BNIP2: variants seen among roughly 807,000 people sequenced by gnomAD.
BNIP2 encodes the protein BCL2/adenovirus E1B 19 kDa protein-interacting protein 2.
In BNIP2, 36 loss-of-function variants were observed where a neutral mutation model predicts 43.4. The observed-to-expected ratio is 0.83, with a 90% CI of 0.64 to 1.10. The LOEUF is 1.10. BNIP2 is among the 50% of genes least tolerant of loss of function. The pLI, the probability that BNIP2 is intolerant of heterozygous loss-of-function variation, is 0.00. For synonymous variants in BNIP2, 146 were observed against 121.0 expected (o/e 1.21, Z -1.35); for missense variants, 417 against 374.1 (o/e 1.11, Z -0.95).
chr15:59,672,553 T>A, intron 6 of BNIP2, 84 bp downstream of exon 6: 1 of 1,033,570 alleles, frequency 9.7e-7, no homozygotes, highest in Non-Finnish European at 1.4e-6. Flanking sequence ...ATATTTATAA[T>A]TTTTGAAAAG....
chr15:59,681,169 G>A (rs1451215508), intron 2 of BNIP2, among the ~76,000 whole-genome samples: 3 of 152,114 alleles, frequency 2.0e-5, no homozygotes, highest in Non-Finnish European at 4.4e-5. Context: ...ACCACCATAT[G>A]CAACAGTGAC....
chr15:59,681,249 T>C (rs1893648654), intron 2 of BNIP2, among the ~76,000 whole-genome samples: 1 of 152,222 alleles, frequency 6.6e-6, no homozygotes, highest in Non-Finnish European at 1.5e-5. Context: ...TGCACTAGGA[T>C]GTCTTCTGAC....
At position 59,659,630 on chromosome 15, in the gene BNIP2, G is replaced by A. The variant is rs1892146043; in HGVS notation, c.*4439C>T. ...TTTACAAAGTCCACATACAAAAAGT[G>A]CAGTGTAGAAGCTGATGAATGTTAT... On this transcript the variant is annotated 3_prime_UTR_variant, in exon 10 of 10. Coordinates refer to ENST00000607373, the MANE Select transcript of BNIP2 (RefSeq NM_004330.4). 2.0e-5 allele frequency: 3 copies of A among 152,190 alleles called. No individual in the cohort carries two copies. The South Asian group carries it at 6.2e-4, about 32-fold the overall frequency. 9.4% of individuals were successfully genotyped at this position (152,190 alleles called of 1,614,324 possible). A position where few individuals can be genotyped will look rare whatever the true frequency, so the allele number is the denominator to read the frequency against.
intron 9 of BNIP2, among the ~76,000 whole-genome samples, chr15:59,667,797 G>A (rs1292373755): frequency 2.0e-5 from 3 of 152,174 alleles, no homozygotes; most frequent in Admixed American, 6.5e-5. Flanking sequence ...AAAATTATTT[G>A]GTGTTCCAAA....
rs1387968619 is a variant in BNIP2, at chr15:59,662,285, C to T, written c.*1784G>A. The T allele has an allele frequency of 1.3e-5, 2 of 152,216 alleles. No homozygotes were observed. Among genetic ancestry groups the T allele is most frequent in the East Asian group, 3.8e-4 (2 of 5,204 alleles). 9.4% of individuals were successfully genotyped at this position (152,216 alleles called of 1,614,324 possible). A position where few individuals can be genotyped will look rare whatever the true frequency, so the allele number is the denominator to read the frequency against. On this transcript the variant is annotated 3_prime_UTR_variant, in exon 10 of 10. Coordinates refer to ENST00000607373, the MANE Select transcript of BNIP2 (RefSeq NM_004330.4). ...GACAAATTCAATATAATTGTTTATA[C>T]ATAATCCTTATATGGTAAATTCAGA...
intron 7 of BNIP2, among the ~76,000 whole-genome samples, chr15:59,670,959 G>A (rs1328713001): frequency 6.6e-6 from 1 of 151,942 alleles, no homozygotes; most frequent in East Asian, 1.9e-4. Flanking sequence ...TGTAATCCCA[G>A]CTACTTGGGA....
At chr15:59,688,754 C>G (rs1050814934) in intron 1 of BNIP2, 12 of 1,535,600 alleles carry the variant, frequency 7.8e-6, no homozygotes, top group African/African-American at 2.7e-5. Flanking sequence ...TTTCTTTGTT[C>G]TGTACCAGGA....
chr15:59,682,915 G>A (rs1893781744), intron 1 of BNIP2, among the ~76,000 whole-genome samples: 2 of 152,124 alleles, frequency 1.3e-5, no homozygotes, highest in Non-Finnish European at 2.9e-5. Context: ...ATTCTAGACC[G>A]TAAATAATAG....
intron 5 of BNIP2, chr15:59,677,098 A>C: frequency 2.5e-6 from 4 of 1,609,480 alleles, no homozygotes; most frequent in Non-Finnish European, 3.4e-6. Context: ...ACCTTCATAG[A>C]AATGGGCAAG....
At chr15:59,685,959 G>GA (rs1271589769) in intron 1 of BNIP2, among the ~76,000 whole-genome samples, 2 of 151,678 alleles carry the variant, frequency 1.3e-5, no homozygotes, top group Non-Finnish European at 2.9e-5. Flanking sequence ...TTTTTTTTTG[G>GA]AAATTAGAAT....
At chr15:59,667,690 C>G (rs1892646570) in intron 9 of BNIP2, among the ~76,000 whole-genome samples, 1 of 151,992 alleles carries the variant, frequency 6.6e-6, no homozygotes, top group Non-Finnish European at 1.5e-5. Context: ...ATAATCAACC[C>G]CAGGGAAATA....
At chr15:59,687,011 C>T (rs2142024747) in intron 1 of BNIP2, among the ~76,000 whole-genome samples, 1 of 152,110 alleles carries the variant, frequency 6.6e-6, no homozygotes, top group East Asian at 1.9e-4. Context: ...AGCGAGACTG[C>T]ATCTCAAAAA....
intron 6 of BNIP2, 149 bp from the exon 7 acceptor site, chr15:59,671,463 A>G: frequency 1.7e-6 from 1 of 584,844 alleles, no homozygotes; most frequent in Non-Finnish European, 2.7e-6. Flanking sequence ...TAGTATTACG[A>G]TTATCTTATT....
chr15:59,678,169 T>C, intron 4 of BNIP2, 82 bp from the exon 5 acceptor site: 2 of 1,447,390 alleles, frequency 1.4e-6, no homozygotes, highest in Non-Finnish European at 1.8e-6. Context: ...ACTACCTAGA[T>C]TTTACAGAGA....
chr15:59,683,192 C>CT (rs1355010121), intron 1 of BNIP2, among the ~76,000 whole-genome samples: 1 of 147,966 alleles, frequency 6.8e-6, no homozygotes, highest in Non-Finnish European at 1.5e-5. Context: ...ATGCCATGAA[C>CT]TTTAGTTTTA....
In BNIP2 at chr15:59,659,422, C is replaced by A. The variant is rs1386374805; in HGVS notation, c.*4647G>T. ...TTTTGTCTAAATGACAGCAATGAAC[C>A]TGTGGTAACAAAAGTATTTTTGGAA... On this transcript the variant is annotated 3_prime_UTR_variant, in exon 10 of 10. Coordinates refer to ENST00000607373, the MANE Select transcript of BNIP2 (RefSeq NM_004330.4). 2 of 152,168 alleles carry A rather than the reference C, an allele frequency of 1.3e-5. No individual in the cohort carries two copies. Among genetic ancestry groups the A allele is most frequent in the East Asian group, 3.8e-4 (2 of 5,200 alleles). 9.4% of individuals were successfully genotyped at this position (152,168 alleles called of 1,614,324 possible).
At chr15:59,666,758 AAAG>A (rs534401376) in intron 9 of BNIP2, among the ~76,000 whole-genome samples, 4 of 152,184 alleles carry the variant, frequency 2.6e-5, no homozygotes, top group South Asian at 2.1e-4. Flanking sequence ...TTTTAAGACT[AAAG>A]AAACTACAAA....
chr15:59,689,117 C>T lies in BNIP2; in HGVS notation c.-58+18G>A, dbSNP rs1380039793. On this transcript the variant is annotated intron_variant, in intron 1 of 9. Coordinates refer to ENST00000607373, the MANE Select transcript of BNIP2 (RefSeq NM_004330.4). ...AGCTCCGGAGCCACCGTGCCGAGTTCTCCCAGGCCGCACTCACCCCGGAGG... is the reference window on the plus strand; with the variant it reads ...AGCTCCGGAGCCACCGTGCCGAGTTTTCCCAGGCCGCACTCACCCCGGAGG... 6.5e-7 allele frequency: 1 copy of T among 1,532,976 alleles called. No homozygotes were observed. The highest frequency in any genetic ancestry group is 8.7e-7 in the Non-Finnish European group (1 of 1,144,844). 95.0% of individuals were successfully genotyped at this position (1,532,976 alleles called of 1,614,324 possible).
At chr15:59,687,632 C>A (rs1894106880) in intron 1 of BNIP2, among the ~76,000 whole-genome samples, 1 of 152,080 alleles carries the variant, frequency 6.6e-6, no homozygotes, top group South Asian at 2.1e-4. Context: ...CTTGGCCACC[C>A]AAAGTAACAA....
Sources: gnomAD v4.1 joint callset for allele counts (sites outside exome capture counted in the v4.1 genomes callset) on GRCh38, gnomAD v4.1.1 for gene constraint, MANE v1.5 for transcripts, NCBI Gene and HGNC (gene_info 2026-07-23, HGNC 2026-07-21) for gene names.